Variants in CLTC observed in about 807,000 individuals in gnomAD.
The protein encoded by CLTC is clathrin heavy chain.
Under a neutral mutation model 195.8 loss-of-function variants are expected in CLTC, and 16 were observed. That is an observed-to-expected ratio of 0.08 (90% CI 0.06 to 0.12). The LOEUF (loss-of-function observed/expected upper bound fraction) is 0.12. Among genes scored for constraint, CLTC ranks in the 10% least tolerant of loss-of-function variants. The pLI is 1.00. For missense variants in CLTC, 796 were observed against 2,027.0 expected (o/e 0.39, Z 11.66); for synonymous variants, 667 against 689.4 (o/e 0.97, Z 0.51).
At chr17:59,645,504 G>A (rs554635736) in intron 2 of CLTC, among the ~76,000 whole-genome samples, 20 of 152,196 alleles carry the variant, frequency 1.3e-4, no homozygotes, top group Admixed American at 6.5e-4. Context: ...AAGAGGGCTC[G>A]GTGACAAACT....
rs202121264 is a variant in CLTC at position 59,620,120 on chromosome 17, C to G, written c.-12C>G. The G allele has an allele frequency of 8.9e-4, 1,434 of 1,614,100 alleles. 12 individuals carry two copies. The African/African-American group carries it at 0.017, about 19-fold the overall frequency. On this transcript the variant is annotated 5_prime_UTR_variant, in exon 1 of 32. Coordinates refer to ENST00000269122, the MANE Select transcript of CLTC (RefSeq NM_004859.4). ...CCAGTGACAGGAGGAGACCATAACC[C>G]CCGACAGCGCCATGGCCCAGATTCT...
intron 30 of CLTC, among the ~76,000 whole-genome samples, chr17:59,686,606 G>A (rs530411179): frequency 6.6e-6 from 1 of 152,262 alleles, no homozygotes; most frequent in South Asian, 2.1e-4. Context: ...ATACCATTGT[G>A]TCTGTTTAAA....
At chr17:59,680,848 C>G (rs1411859404) in intron 18 of CLTC, 64 bp from the exon 19 acceptor site, 16 of 1,368,914 alleles carry the variant, frequency 1.2e-5, no homozygotes, top group Admixed American at 2.5e-5. Flanking sequence ...TAATGAGAGG[C>G]CAACTTACGC....
chr17:59,683,380 T>TA lies in CLTC; in HGVS notation c.4042-6dup, dbSNP rs1401916981. The TA allele has an allele frequency of 6.2e-7, 1 of 1,609,204 alleles. No homozygotes were observed. Among genetic ancestry groups the TA allele is most frequent in the Non-Finnish European group, 8.5e-7 (1 of 1,177,934 alleles). ...ATATCTAAAGCAATTAAGTCTTTCT[T>TA]ATGCAGGTGCTAAGAGCTGCAGAAC... On this transcript the variant is annotated splice_region_variant and splice_polypyrimidine_tract_variant and intron_variant, in intron 25 of 31. Coordinates refer to ENST00000269122, the MANE Select transcript of CLTC (RefSeq NM_004859.4). This position sits in a 1 kb window ranked among gnomAD's most constrained non-coding sequence, Gnocchi z 6.1.
In CLTC at chr17:59,621,298, T is replaced by G. The variant is rs188916276; in HGVS notation, c.42+1125T>G. Among the ~76,000 whole-genome samples the G allele has an allele frequency of 9.2e-5, 14 of 152,366 alleles. No individual in the cohort carries two copies. In the East Asian group the frequency reaches 2.5e-3, roughly 27 times the overall value. On this transcript the variant is annotated intron_variant, in intron 1 of 31. Coordinates refer to ENST00000269122, the MANE Select transcript of CLTC (RefSeq NM_004859.4). ...GCTTAAATAATTTATTCCTATTAAT[T>G]TGCTTTCTTCCCAAATATCCCCTTA... is the stretch of plus-strand genomic sequence containing the variant.
In CLTC at chr17:59,647,626, C is replaced by A. The variant is rs1240494418; in HGVS notation, c.479C>A (p.Ala160Glu). ...CAGATTATCAATTACCGTACAGATG[C>A]AAAACAAAAGTGGTTACTTCTGACT... The part of the protein sequence containing the change: ...GCQIINYRTD[A>E]KQKWLLLTGI... Residue 160 changes from alanine to glutamate, a missense_variant, in exon 3 of 32, where the codon GCA becomes GAA. By Grantham distance (107) the Ala-to-Glu change is moderately radical. This residue lies in a region of CLTC where 293 missense variants were observed against 795.6 expected (regional missense o/e 0.37). Transcript: ENST00000269122. The A allele has an allele frequency of 1.2e-6, 2 of 1,613,862 alleles. No individual in the cohort carries two copies. The highest frequency in any genetic ancestry group is 1.7e-5 in the Admixed American group (1 of 59,976).
intron 1 of CLTC, among the ~76,000 whole-genome samples, chr17:59,622,085 C>T (rs1014912827): frequency 1.3e-5 from 2 of 152,162 alleles, no homozygotes; most frequent in Non-Finnish European, 2.9e-5. Context: ...CCAACCTTGT[C>T]ACTTATTAAA....
intron 31 of CLTC, among the ~76,000 whole-genome samples, chr17:59,691,228 T>C (rs1598248967): frequency 6.6e-6 from 1 of 152,216 alleles, no homozygotes; most frequent in East Asian, 1.9e-4. Context: ...CATGTCTGAA[T>C]TACTGCTCCT....
intron 1 of CLTC, among the ~76,000 whole-genome samples, chr17:59,636,032 G>A (rs906262492): frequency 1.3e-5 from 2 of 152,082 alleles, no homozygotes; most frequent in African/African-American, 2.4e-5. Flanking sequence ...TACTCCGGAG[G>A]CTGAGGCAGG....
rs1255537036 is a variant in CLTC at position 59,683,283 on chromosome 17, A to G, written c.4041+21A>G. The G allele has an allele frequency of 6.2e-7, 1 of 1,611,632 alleles. No homozygotes were observed. The highest frequency in any genetic ancestry group is 8.5e-7 in the Non-Finnish European group (1 of 1,178,510). ...CCAAGGTAACCAGTCATTGTAACAC[A>G]GTGAAGCAACTGTGTAGTTAAAACT... On this transcript the variant is annotated intron_variant, in intron 25 of 31. Transcript: ENST00000269122. The surrounding 1 kb of genome is among the most constrained non-coding windows in gnomAD (Gnocchi z 6.1).
intron 10 of CLTC, among the ~76,000 whole-genome samples, chr17:59,665,466 A>G (rs999297461): frequency 5.3e-5 from 8 of 152,132 alleles, no homozygotes; most frequent in Non-Finnish European, 1.0e-4. Flanking sequence ...GGGTGTGGGG[A>G]GAGGGAAGAG....
intron 15 of CLTC, 100 bp from the exon 16 acceptor site, chr17:59,674,580 TAAAAACTGAACTTAAAGAAAA>T (rs2032924028): frequency 1.1e-6 from 1 of 880,558 alleles, no homozygotes; most frequent in African/African-American, 1.7e-5. Context: ...TTACTGAATT[TAAAAACTGAACTTAAAGAAAA>T]AAAAACTGAG....
chr17:59,686,664 A>G (rs1028426135), intron 30 of CLTC, among the ~76,000 whole-genome samples: 10 of 152,212 alleles, frequency 6.6e-5, no homozygotes, highest in African/African-American at 2.4e-4. Context: ...GAGAAAAAAC[A>G]TGTTGCCTTA....
chr17:59,674,719 C>G lies in CLTC; in HGVS notation c.2437C>G (p.Pro813Ala). Residue 813 changes from proline to alanine, a missense_variant, in exon 16 of 32, where the codon CCT (proline) becomes GCT (alanine). Pro to Ala is a conservative substitution (Grantham distance 27). Around this residue, in one of 9 missense-constraint regions of CLTC, gnomAD observed 160 missense variants for 448.2 expected, o/e 0.36. Coordinates refer to ENST00000269122, the MANE Select transcript of CLTC (RefSeq NM_004859.4). ...ACCACAGGTGAATCCAAGTCGACTTCCTGTAGTTATTGGAGGATTACTTGA... is the reference window on the plus strand; with the variant it reads ...ACCACAGGTGAATCCAAGTCGACTTGCTGTAGTTATTGGAGGATTACTTGA... The part of the protein sequence containing the change: ...YVQKVNPSRL[P>A]VVIGGLLDVD... 6.2e-7 allele frequency: 1 copy of G among 1,612,418 alleles called. No individual in the cohort carries two copies. The highest frequency in any genetic ancestry group is 1.7e-4 in the Middle Eastern group (1 of 6,040).
rs2032723098 is a variant in CLTC at position 59,666,047 on chromosome 17, G to T, written c.1645-56G>T. On this transcript the variant is annotated intron_variant, in intron 10 of 31. Transcript: ENST00000269122. This position sits in a 1 kb window ranked among gnomAD's most constrained non-coding sequence, Gnocchi z 4.9. ...AAAGAAAGAGTTCATGCATAATTTT[G>T]TCTACATACTCTCCATAGTATCTTA... 11 of 1,314,666 alleles carry T rather than the reference G, an allele frequency of 8.4e-6. No homozygotes were observed. The East Asian group carries it at 2.6e-4, about 31-fold the overall frequency. 81.4% of individuals were successfully genotyped at this position (1,314,666 alleles called of 1,614,324 possible). A position where few individuals can be genotyped will look rare whatever the true frequency, so the allele number is the denominator to read the frequency against.
intron 31 of CLTC, among the ~76,000 whole-genome samples, 195 bp from the exon 32 acceptor site, chr17:59,693,533 C>G (rs1169216826): frequency 1.3e-5 from 2 of 152,074 alleles, no homozygotes; most frequent in Non-Finnish European, 2.9e-5. Context: ...TGTTTGTTGG[C>G]TTTTTAGGTA....
chr17:59,621,457 C>T (rs1197024768), intron 1 of CLTC, among the ~76,000 whole-genome samples: 1 of 152,126 alleles, frequency 6.6e-6, no homozygotes, highest in Non-Finnish European at 1.5e-5. Context: ...TTTACATTTC[C>T]CCATTGGCAT....
intron 1 of CLTC, among the ~76,000 whole-genome samples, chr17:59,641,141 A>G (rs2032019808): frequency 6.6e-6 from 1 of 151,510 alleles, no homozygotes; most frequent in Non-Finnish European, 1.5e-5. Flanking sequence ...AAAAACTTGC[A>G]ACTTCAGAAT....
In CLTC at chr17:59,682,142, T is replaced by C. The variant is rs2033093333; in HGVS notation, c.3443-129T>C. The C allele has an allele frequency of 1.1e-6, 1 of 870,736 alleles. No homozygotes were observed. Among genetic ancestry groups the C allele is most frequent in the Non-Finnish European group, 1.7e-6 (1 of 573,722 alleles). 53.9% of individuals were successfully genotyped at this position (870,736 alleles called of 1,614,324 possible). ...TCCGTGATAATACAGAAGTGAAATATTGCACGGTTTACATTTGTCATTATC... is the reference window on the plus strand; with the variant it reads ...TCCGTGATAATACAGAAGTGAAATACTGCACGGTTTACATTTGTCATTATC... On this transcript the variant is annotated intron_variant, in intron 21 of 31. Transcript: ENST00000269122. This position sits in a 1 kb window ranked among gnomAD's most constrained non-coding sequence, Gnocchi z 6.8.
Sources: gnomAD v4.1 joint callset for allele counts (sites outside exome capture counted in the v4.1 genomes callset) on GRCh38, gnomAD v4.1.1 for gene constraint, gnomAD v4.1.1 regional missense constraint, Gnocchi (gnomAD v3.1) non-coding constraint, MANE v1.5 for transcripts, NCBI Gene and HGNC (gene_info 2026-07-23, HGNC 2026-07-21) for gene names.